The following EYS variants were observed in gnomAD, a reference collection of about 807,000 sequenced individuals.
The protein encoded by EYS is protein eyes shut homolog.
A neutral mutation model predicts 282.1 loss-of-function variants in EYS; 250 were observed. That is an observed-to-expected ratio of 0.89 (90% CI 0.80 to 0.98). The LOEUF (loss-of-function observed/expected upper bound fraction) is 0.98, where lower values mean the gene tolerates loss of function less well. EYS is among the 50% of genes least tolerant of loss of function. The pLI is 0.00. For synonymous variants in EYS, 1,355 were observed against 1,282.9 expected, an observed-to-expected ratio of 1.06 and a Z score of -1.20; for missense variants, 4,016 against 3,709.0, an observed-to-expected ratio of 1.08 and a Z score of -2.15.
intron 1 of EYS, among the ~76,000 whole-genome samples, chr6:65,655,239 C>T (rs942509756): frequency 6.6e-6 from 1 of 151,386 alleles, no homozygotes; most frequent in African/African-American, 2.4e-5. Flanking sequence ...AAATACTCTG[C>T]CATCAAGTAG....
chr6:64,866,740 AT>A (rs1251926776), intron 19 of EYS, among the ~76,000 whole-genome samples: 1 of 151,692 alleles, frequency 6.6e-6, no homozygotes, highest in African/African-American at 2.4e-5. Flanking sequence ...GAAATTTGTG[AT>A]TTTTTTCAAT....
chr6:65,494,007 T>C (rs1766139009), intron 4 of EYS, among the ~76,000 whole-genome samples: 1 of 152,168 alleles, frequency 6.6e-6, no homozygotes, highest in South Asian at 2.1e-4. Flanking sequence ...TACCATAATC[T>C]TGGGAATTCA....
chr6:65,137,895 G>T (rs1312440241), intron 12 of EYS, among the ~76,000 whole-genome samples: 1 of 151,840 alleles, frequency 6.6e-6, no homozygotes, highest in African/African-American at 2.4e-5. Flanking sequence ...CTAAGGTATG[G>T]GCTTCAGTGA....
intron 12 of EYS, among the ~76,000 whole-genome samples, chr6:65,231,807 T>A (rs1766789753): frequency 6.6e-6 from 1 of 151,744 alleles, no homozygotes; most frequent in Non-Finnish European, 1.5e-5. Flanking sequence ...AACTATGCAG[T>A]CATATGATTT....
At chr6:65,327,406 G>A (rs1245816708) in intron 11 of EYS, among the ~76,000 whole-genome samples, 1 of 151,366 alleles carries the variant, frequency 6.6e-6, no homozygotes, top group African/African-American at 2.4e-5. Context: ...AATGTGAATT[G>A]TGTTTTATTT....
intron 26 of EYS, among the ~76,000 whole-genome samples, chr6:64,453,114 AAGGGCTAAT>A (rs1436719016): frequency 6.6e-6 from 1 of 152,186 alleles, no homozygotes; most frequent in Non-Finnish European, 1.5e-5. Flanking sequence ...TCATCTGACA[AAGGGCTAAT>A]ATCCAGAATC....
chr6:63,785,634 A>C (rs187728391), intron 39 of EYS, among the ~76,000 whole-genome samples: 35 of 152,328 alleles, frequency 2.3e-4, no homozygotes, highest in Non-Finnish European at 3.8e-4. Flanking sequence ...CATTTTTTAG[A>C]ACAAAAACAA....
intron 1 of EYS, among the ~76,000 whole-genome samples, chr6:65,659,544 A>G (rs898357579): frequency 5.3e-5 from 8 of 151,766 alleles, no homozygotes; most frequent in Middle Eastern, 3.2e-3. Context: ...TGGAGTATAT[A>G]TACTGTTCCT....
At chr6:64,473,449 T>C (rs1187623830) in intron 26 of EYS, among the ~76,000 whole-genome samples, 5 of 152,198 alleles carry the variant, frequency 3.3e-5, no homozygotes, top group Non-Finnish European at 7.4e-5. Context: ...CAGTACCAAC[T>C]GACACACTTA....
intron 14 of EYS, among the ~76,000 whole-genome samples, chr6:64,961,969 CAG>C (rs1038973171): frequency 6.6e-6 from 1 of 151,930 alleles, no homozygotes; most frequent in Non-Finnish European, 1.5e-5. Context: ...ATTCTCAATC[CAG>C]AGTTTTCATT....
chr6:64,373,192 A>C (rs1038992977), intron 29 of EYS, among the ~76,000 whole-genome samples: 1 of 152,080 alleles, frequency 6.6e-6, no homozygotes, highest in Non-Finnish European at 1.5e-5. Context: ...TGTGGGGATT[A>C]TGTTCTTTCA....
rs932547502 is a variant in EYS at position 65,066,630 on chromosome 6, C to T, written c.2024-8903G>A. Among the ~76,000 whole-genome samples the T allele has an allele frequency of 9.6e-4, 146 of 151,982 alleles. 2 individuals carry two copies. Among genetic ancestry groups the T allele is most frequent in the Non-Finnish European group, 1.2e-4 (8 of 67,972 alleles). On this transcript the variant is annotated intron_variant, in intron 12 of 42. Coordinates refer to ENST00000503581, the MANE Select transcript of EYS (RefSeq NM_001142800.2). Reference sequence around the variant, plus strand: ...AAATAATCTTGTCTCAGTTTTTAGTCAAAATTACAACATATTCAAAAGACT... The same window carrying T: ...AAATAATCTTGTCTCAGTTTTTAGTTAAAATTACAACATATTCAAAAGACT...
intron 5 of EYS, among the ~76,000 whole-genome samples, chr6:65,415,685 C>G (rs1228794886): frequency 1.3e-5 from 2 of 151,988 alleles, no homozygotes; most frequent in Admixed American, 1.3e-4. Context: ...CCAGGCAGAG[C>G]CTGGAGATCT....
Position 65,099,119 on chromosome 6 carries a change from T to A in EYS, c.2024-41392A>T, listed in dbSNP as rs964463159. 1.9e-4 allele frequency among the ~76,000 whole-genome samples: 28 copies of A among 150,614 alleles called. 1 individual carries two copies. Among genetic ancestry groups the A allele is most frequent in the Middle Eastern group, 3.2e-3 (1 of 310 alleles). Reference sequence around the variant, plus strand: ...ATATATACATAAACACACACACACCTATCTGTAGTTAAATGTGAGAGAAAA... The same window carrying A: ...ATATATACATAAACACACACACACCAATCTGTAGTTAAATGTGAGAGAAAA... On this transcript the variant is annotated intron_variant, in intron 12 of 42. Coordinates refer to ENST00000503581, the MANE Select transcript of EYS (RefSeq NM_001142800.2).
rs766515998 is a variant in EYS at position 63,864,209 on chromosome 6, C to T, written c.7205G>A (p.Arg2402Lys). ...ACCATCAGTGCAGAGGGGTCCAGAC[C>T]TCCCATATGGGCAGAGGCAGACAAT... ...TDIVCLCPYG[R>K]SGPLCTDAIN... Residue 2402 changes from arginine (R) to lysine (K), a missense_variant, in exon 36 of 43, where the codon AGG (arginine) becomes AAG (lysine). By Grantham distance (26) the Arg-to-Lys change is conservative. Transcript: ENST00000503581. The T allele has an allele frequency of 8.8e-5, 136 of 1,543,496 alleles. 2 individuals carry two copies. The South Asian group carries it at 1.6e-3, about 18-fold the overall frequency.
intron 2 of EYS, among the ~76,000 whole-genome samples, chr6:65,559,838 A>T (rs9345651): frequency 0.54 from 81,835 of 151,520 alleles, 22,075 homozygotes; most frequent in East Asian, 0.7. Flanking sequence ...CTAATTTTTG[A>T]TGTATATTTT....
At chr6:65,091,076 A>T (rs2150177618) in intron 12 of EYS, among the ~76,000 whole-genome samples, 1 of 152,040 alleles carries the variant, frequency 6.6e-6, no homozygotes, top group Middle Eastern at 3.4e-3. Context: ...ATAAACACTA[A>T]TTGTTAAATT....
At chr6:65,175,591 T>A (rs1765205597) in intron 12 of EYS, among the ~76,000 whole-genome samples, 1 of 151,402 alleles carries the variant, frequency 6.6e-6, no homozygotes, top group Admixed American at 6.6e-5. Context: ...AAATTATTCA[T>A]AAAGCATTTC....
chr6:63,819,747 A>G (rs1189893933), intron 36 of EYS, among the ~76,000 whole-genome samples: 7 of 152,200 alleles, frequency 4.6e-5, no homozygotes, highest in Admixed American at 4.6e-4. Flanking sequence ...TACCATAATG[A>G]CACACTGTAT....
Sources: allele counts gnomAD v4.1 joint callset (sites outside exome capture counted in the v4.1 genomes callset), GRCh38; gene constraint gnomAD v4.1.1; transcripts MANE v1.5; gene names NCBI Gene and HGNC (gene_info 2026-07-23, HGNC 2026-07-21).